SLC6A11: variants seen among roughly 807,000 people sequenced by gnomAD.
SLC6A11 encodes the protein solute carrier family 6 member 11.
A neutral mutation model predicts 74.8 loss-of-function variants in SLC6A11; 25 were observed. That is an observed-to-expected ratio of 0.33 (90% CI 0.24 to 0.47). The LOEUF (loss-of-function observed/expected upper bound fraction) is 0.47. Ranked by LOEUF, SLC6A11 falls within the 20% of genes least tolerant of loss-of-function variation. The pLI is 1.00. For missense variants in SLC6A11, 574 were observed against 837.0 expected (o/e 0.69, Z 3.88); for synonymous variants, 330 against 330.2 (o/e 1.00, Z 0.01).
At chr3:10,902,433 G>A (rs1301544570) in intron 6 of SLC6A11, among the ~76,000 whole-genome samples, 1 of 152,232 alleles carries the variant, frequency 6.6e-6, no homozygotes, top group Non-Finnish European at 1.5e-5. Flanking sequence ...GGGAAGGGAA[G>A]CTGGGATGTT....
intron 3 of SLC6A11, among the ~76,000 whole-genome samples, 183 bp from the exon 4 acceptor site, chr3:10,823,119 C>G (rs1459333302): frequency 6.6e-6 from 1 of 152,188 alleles, no homozygotes; most frequent in Non-Finnish European, 1.5e-5. Flanking sequence ...TCCTCCTGTT[C>G]TAATCAGTCC....
intron 6 of SLC6A11, among the ~76,000 whole-genome samples, chr3:10,892,631 T>C (rs1428020733): frequency 6.6e-6 from 1 of 151,792 alleles, no homozygotes; most frequent in East Asian, 1.9e-4. Flanking sequence ...TCCACCAGCA[T>C]GGACCATGTG....
At chr3:10,899,628 A>G (rs940034034) in intron 6 of SLC6A11, among the ~76,000 whole-genome samples, 5 of 152,192 alleles carry the variant, frequency 3.3e-5, no homozygotes, top group African/African-American at 7.2e-5. Flanking sequence ...CCTGCCCTCT[A>G]GGCCTTTGCT....
chr3:10,895,193 G>A (rs779745224), intron 6 of SLC6A11, among the ~76,000 whole-genome samples: 10 of 152,184 alleles, frequency 6.6e-5, no homozygotes, highest in Non-Finnish European at 1.2e-4. Flanking sequence ...TAATGCAAGA[G>A]AATCCACTCA....
chr3:10,877,044 G>GC (rs767973625), intron 6 of SLC6A11, among the ~76,000 whole-genome samples: 59 of 152,298 alleles, frequency 3.9e-4, no homozygotes, highest in Non-Finnish European at 7.8e-4. Flanking sequence ...GATTTGGAGA[G>GC]CCCCCACTTT....
intron 6 of SLC6A11, among the ~76,000 whole-genome samples, chr3:10,877,097 C>A (rs567539341): frequency 6.6e-6 from 1 of 152,306 alleles, no homozygotes; most frequent in East Asian, 1.9e-4. Flanking sequence ...CAGGTCACAT[C>A]CAGCCCTCTG....
At chr3:10,857,720 C>T (rs1352373240) in intron 5 of SLC6A11, among the ~76,000 whole-genome samples, 2 of 152,208 alleles carry the variant, frequency 1.3e-5, no homozygotes, top group African/African-American at 4.8e-5. Flanking sequence ...AAGCCACTCA[C>T]AGACCCTGCA....
chr3:10,841,038 T>A (rs1694430780), intron 4 of SLC6A11, among the ~76,000 whole-genome samples: 1 of 152,070 alleles, frequency 6.6e-6, no homozygotes, highest in Non-Finnish European at 1.5e-5. Context: ...GGTGGAAAGC[T>A]CCAGAAATAC....
At chr3:10,881,545 G>A (rs148221483) in intron 6 of SLC6A11, among the ~76,000 whole-genome samples, 38 of 152,368 alleles carry the variant, frequency 2.5e-4, no homozygotes, top group Middle Eastern at 6.8e-3. Flanking sequence ...TGTACCTTGC[G>A]TTAGAACCCC....
chr3:10,895,767 C>T lies in SLC6A11; in HGVS notation c.892-16323C>T, dbSNP rs111598383. Reference sequence around the variant, plus strand: ...CATGTGCAGGTAATGCTCACATGGGCAGCTTGCGTGGCTTCTCAAAGGTCG... The same window carrying T: ...CATGTGCAGGTAATGCTCACATGGGTAGCTTGCGTGGCTTCTCAAAGGTCG... On this transcript the variant is annotated intron_variant, in intron 6 of 13. Transcript: ENST00000254488. Among the ~76,000 whole-genome samples, 1,419 of 151,444 alleles carry T rather than the reference C, an allele frequency of 9.4e-3. 22 individuals carry two copies. Among genetic ancestry groups the T allele is most frequent in the African/African-American group, 0.033 (1,362 of 41,152 alleles).
At chr3:10,913,572 A>T (rs1695415016) in intron 7 of SLC6A11, among the ~76,000 whole-genome samples, 1 of 152,266 alleles carries the variant, frequency 6.6e-6, no homozygotes, top group Admixed American at 6.5e-5. Flanking sequence ...ATTTTCTATA[A>T]GATTAACGAG....
intron 1 of SLC6A11, among the ~76,000 whole-genome samples, chr3:10,817,849 A>C (rs999495356): frequency 6.6e-6 from 1 of 152,138 alleles, no homozygotes; most frequent in Admixed American, 6.5e-5. Flanking sequence ...GGAGACCCCC[A>C]ACGTGCCCTG....
At chr3:10,861,843 A>G (rs768446975) in intron 5 of SLC6A11, among the ~76,000 whole-genome samples, 1 of 152,164 alleles carries the variant, frequency 6.6e-6, no homozygotes, top group African/African-American at 2.4e-5. Flanking sequence ...GCATGTTGCA[A>G]CCATCATGGG....
chr3:10,917,599 C>G (rs3774083), intron 7 of SLC6A11, among the ~76,000 whole-genome samples: 1 of 152,116 alleles, frequency 6.6e-6, no homozygotes, highest in African/African-American at 2.4e-5. Context: ...TCGAGGGTAC[C>G]GTCTTCATCT....
At chr3:10,819,944 C>T (rs1370598751) in intron 3 of SLC6A11, 92 bp downstream of exon 3, 1 of 1,390,534 alleles carries the variant, frequency 7.2e-7, no homozygotes, top group Admixed American at 2.1e-5. Flanking sequence ...TGGTCCCTGG[C>T]CTCTCGTCAT....
In SLC6A11 at chr3:10,819,485, G is replaced by A. The variant is rs369801428; in HGVS notation, c.277G>A (p.Val93Met). 2.1e-5 allele frequency: 34 copies of A among 1,613,650 alleles called. No homozygotes were observed. Among genetic ancestry groups the A allele is most frequent in the African/African-American group, 2.7e-5 (2 of 74,880 alleles). The change falls in exon 2 of 14, where the codon GTG (valine) becomes ATG (methionine). Residue 93 changes from valine to methionine, a missense_variant. Physicochemically the swap from Val to Met is conservative, Grantham distance 21 (BLOSUM62 1). This residue lies in a region of SLC6A11 where 215 missense variants were observed against 357.9 expected (regional missense o/e 0.60). Transcript: ENST00000254488. ...TACAGGGGCATTCCTGATTCCCTAC[G>A]TGGTGTTTTTTATTTGCTGTGGAAT... ...NGGGAFLIPY[V>M]VFFICCGIPV...
At chr3:10,868,610 A>G (rs1216955888) in intron 5 of SLC6A11, among the ~76,000 whole-genome samples, 1 of 152,186 alleles carries the variant, frequency 6.6e-6, no homozygotes, top group Non-Finnish European at 1.5e-5. Context: ...GAGGGTTCTG[A>G]CAGATTAGAC....
intron 4 of SLC6A11, among the ~76,000 whole-genome samples, chr3:10,842,347 T>C (rs939154709): frequency 6.6e-6 from 1 of 152,162 alleles, no homozygotes; most frequent in Non-Finnish European, 1.5e-5. Context: ...AATCACAAAG[T>C]GCAGCTCCTT....
At chr3:10,875,138 T>TG (rs771075590) in intron 6 of SLC6A11, 43 bp downstream of exon 6, 1 of 1,517,866 alleles carries the variant, frequency 6.6e-7, no homozygotes, top group East Asian at 2.4e-5. Context: ...CCACCACCAC[T>TG]GGGAAGCCTT....
Sources: gnomAD v4.1 joint callset for allele counts (sites outside exome capture counted in the v4.1 genomes callset) on GRCh38, gnomAD v4.1.1 for gene constraint, gnomAD v4.1.1 regional missense constraint, MANE v1.5 for transcripts, NCBI Gene and HGNC (gene_info 2026-07-23, HGNC 2026-07-21) for gene names.